Variants in SMYD3 observed in about 807,000 individuals in gnomAD.
SMYD3 encodes SET and MYND domain containing 3, also known as histone-lysine N-methyltransferase SMYD3.
In SMYD3, 36 loss-of-function variants were observed where a neutral mutation model predicts 57.7. The ratio of observed to expected loss-of-function variants is 0.62; its 90% confidence interval spans 0.48 to 0.82. The LOEUF is 0.82. Among genes scored for constraint, SMYD3 ranks in the 40% least tolerant of loss-of-function variants. The pLI, the probability that SMYD3 is intolerant of heterozygous loss-of-function variation, is 0.00. For missense variants in SMYD3, 515 were observed against 538.8 expected, an observed-to-expected ratio of 0.96 and a Z score of 0.44; for synonymous variants, 211 against 195.0, an observed-to-expected ratio of 1.08 and a Z score of -0.68.
chr1:246,328,615 CTT>C (rs58373705), intron 4 of SMYD3, among the ~76,000 whole-genome samples: 1 of 149,320 alleles, frequency 6.7e-6, no homozygotes. Flanking sequence ...CCAATGATTT[CTT>C]TTTTTTTCTA....
intron 8 of SMYD3, among the ~76,000 whole-genome samples, chr1:245,886,936 T>A (rs1299939043): frequency 6.6e-6 from 1 of 152,126 alleles, no homozygotes; most frequent in African/African-American, 2.4e-5. Flanking sequence ...CCTCCAGCAA[T>A]ACTAAACCAT....
chr1:246,448,960 G>A (rs2103027273), intron 1 of SMYD3, among the ~76,000 whole-genome samples: 1 of 152,166 alleles, frequency 6.6e-6, no homozygotes, highest in African/African-American at 2.4e-5. Flanking sequence ...GGGCACAGTG[G>A]CTCACACTTG....
intron 5 of SMYD3, chr1:246,326,284 C>A: frequency 1.7e-6 from 1 of 581,760 alleles, no homozygotes; most frequent in Non-Finnish European, 3.1e-6. Context: ...AAAACAAATG[C>A]AAACACACAA....
chr1:245,866,895 G>C (rs1276266119), intron 8 of SMYD3, among the ~76,000 whole-genome samples: 1 of 152,066 alleles, frequency 6.6e-6, no homozygotes, highest in Non-Finnish European at 1.5e-5. Flanking sequence ...AACAATCATG[G>C]TCATTCCTGA....
At chr1:246,268,865 C>A (rs1291491554) in intron 5 of SMYD3, among the ~76,000 whole-genome samples, 2 of 152,116 alleles carry the variant, frequency 1.3e-5, no homozygotes, top group African/African-American at 2.4e-5. Context: ...GCCCTGAATT[C>A]TTTCTCGCGC....
intron 1 of SMYD3, among the ~76,000 whole-genome samples, chr1:246,447,726 C>T (rs899212752): frequency 6.6e-6 from 1 of 152,174 alleles, no homozygotes; most frequent in Admixed American, 6.5e-5. Context: ...CATTCTACAC[C>T]TTCTCCCAGT....
At chr1:246,285,354 C>T (rs1012778508) in intron 5 of SMYD3, among the ~76,000 whole-genome samples, 1 of 152,092 alleles carries the variant, frequency 6.6e-6, no homozygotes, top group African/African-American at 2.4e-5. Flanking sequence ...TTTCTTTATC[C>T]ACTCATTGAC....
intron 5 of SMYD3, among the ~76,000 whole-genome samples, chr1:246,148,473 ATCT>A (rs2061891725): frequency 1.3e-5 from 2 of 152,128 alleles, no homozygotes; most frequent in Admixed American, 6.6e-5. Flanking sequence ...GCTCCTCTTC[ATCT>A]TCTTCACCTT....
intron 5 of SMYD3, among the ~76,000 whole-genome samples, chr1:246,200,198 AGAG>A (rs370835414): frequency 0.046 from 579 of 12,684 alleles, no homozygotes; most frequent in South Asian, 0.073. Context: ...TAGAGAAGAC[AGAG>A]GAGAACAGTG....
intron 10 of SMYD3, among the ~76,000 whole-genome samples, chr1:245,830,262 T>TCA (rs1418242548): frequency 6.6e-6 from 1 of 152,192 alleles, no homozygotes; most frequent in Non-Finnish European, 1.5e-5. Context: ...TTTAATGGAC[T>TCA]CAGTTCCACA....
chr1:246,219,433 C>T (rs1277651683), intron 5 of SMYD3, among the ~76,000 whole-genome samples: 2 of 152,080 alleles, frequency 1.3e-5, no homozygotes, highest in South Asian at 4.1e-4. Context: ...GCCCCATCCC[C>T]TTTTCAGCTC....
At chr1:246,228,593 C>T (rs979437905) in intron 5 of SMYD3, among the ~76,000 whole-genome samples, 7 of 152,132 alleles carry the variant, frequency 4.6e-5, no homozygotes, top group Non-Finnish European at 1.0e-4. Flanking sequence ...GCATAAAACC[C>T]TAAACAGCCA....
At chr1:246,502,147 C>CT (rs774363045) in intron 1 of SMYD3, among the ~76,000 whole-genome samples, 82 of 77,200 alleles carry the variant, frequency 1.1e-3, no homozygotes, top group Admixed American at 1.6e-3. Flanking sequence ...TTTTTTTTTT[C>CT]TTTTTTTTTG....
chr1:246,087,494 C>A (rs982954971), intron 5 of SMYD3, among the ~76,000 whole-genome samples: 1 of 151,820 alleles, frequency 6.6e-6, no homozygotes, highest in African/African-American at 2.4e-5. Context: ...TTCAAATAGT[C>A]GGAAAGCAAA....
intron 1 of SMYD3, 44 bp downstream of exon 1, chr1:246,507,010 C>G: frequency 7.3e-7 from 1 of 1,371,742 alleles, no homozygotes; most frequent in East Asian, 3.2e-5. Flanking sequence ...CCCAGCACCC[C>G]ACACAGCTCG....
At chr1:246,078,910 G>A (rs1180971901) in intron 5 of SMYD3, among the ~76,000 whole-genome samples, 1 of 152,080 alleles carries the variant, frequency 6.6e-6, no homozygotes, top group East Asian at 1.9e-4. Flanking sequence ...AGGTACCAGA[G>A]ATACATCATC....
At chr1:246,116,104 C>T (rs964594801) in intron 5 of SMYD3, among the ~76,000 whole-genome samples, 1 of 151,920 alleles carries the variant, frequency 6.6e-6, no homozygotes, top group Non-Finnish European at 1.5e-5. Flanking sequence ...CATACCACTG[C>T]GCTCCAGCCT....
chr1:245,821,536 A>C, intron 10 of SMYD3, among the ~76,000 whole-genome samples: 2 of 139,302 alleles, frequency 1.4e-5, no homozygotes, highest in Non-Finnish European at 3.2e-5. Context: ...AAAAGCCAAA[A>C]TTGACAAATG....
intron 5 of SMYD3, among the ~76,000 whole-genome samples, chr1:246,171,459 G>C (rs2062331410): frequency 6.6e-6 from 1 of 152,118 alleles, no homozygotes; most frequent in Non-Finnish European, 1.5e-5. Flanking sequence ...GAGTACTGGA[G>C]TCATGTCTTC....
Sources: allele counts gnomAD v4.1 joint callset (sites outside exome capture counted in the v4.1 genomes callset), GRCh38; gene constraint gnomAD v4.1.1; transcripts MANE v1.5; gene names NCBI Gene and HGNC (gene_info 2026-07-23, HGNC 2026-07-21).